Variants in PHLPP1 observed in about 807,000 individuals in gnomAD.
The protein encoded by PHLPP1 is PH domain and leucine rich repeat protein phosphatase 1, also known as PH domain leucine-rich repeat-containing protein phosphatase 1.
A neutral mutation model predicts 117.2 loss-of-function variants in PHLPP1; 42 were observed. The observed-to-expected ratio is 0.36, with a 90% CI of 0.28 to 0.46. The LOEUF (loss-of-function observed/expected upper bound fraction) is 0.46, where lower values mean the gene tolerates loss of function less well. PHLPP1 is among the 20% of genes least tolerant of loss of function. The pLI, the probability that PHLPP1 is intolerant of heterozygous loss-of-function variation, is 1.00. For missense variants in PHLPP1, 2,084 were observed against 2,241.9 expected (o/e 0.93, Z 1.42); for synonymous variants, 1,042 against 970.7 (o/e 1.07, Z -1.37).
chr18:62,731,046 T>C (rs1911211393), intron 1 of PHLPP1, among the ~76,000 whole-genome samples: 1 of 152,208 alleles, frequency 6.6e-6, no homozygotes, highest in African/African-American at 2.4e-5. Context: ...TTGTGCTTGC[T>C]TTTGTTGTGC....
intron 1 of PHLPP1, among the ~76,000 whole-genome samples, chr18:62,829,478 G>C (rs1478922549): frequency 1.3e-5 from 2 of 152,162 alleles, no homozygotes; most frequent in Non-Finnish European, 2.9e-5. Flanking sequence ...CAACCCAGGC[G>C]TGGTGGCTCA....
intron 1 of PHLPP1, among the ~76,000 whole-genome samples, chr18:62,823,918 G>GGT (rs757911365): frequency 3.3e-5 from 5 of 152,070 alleles, no homozygotes; most frequent in Non-Finnish European, 5.9e-5. Flanking sequence ...GACCATCTGA[G>GGT]GTGGGCAGTT....
chr18:62,766,785 G>A (rs1912550625), intron 1 of PHLPP1, among the ~76,000 whole-genome samples: 1 of 152,080 alleles, frequency 6.6e-6, no homozygotes, highest in South Asian at 2.1e-4. Context: ...GGAAAAATAA[G>A]GGTGTTAAAT....
At chr18:62,977,733 C>T (rs1422623243) in intron 16 of PHLPP1, among the ~76,000 whole-genome samples, 5 of 152,176 alleles carry the variant, frequency 3.3e-5, no homozygotes, top group African/African-American at 9.7e-5. Context: ...TCATGGAGAG[C>T]AATGGAAGAT....
intron 1 of PHLPP1, among the ~76,000 whole-genome samples, chr18:62,819,688 C>T (rs1914391027): frequency 6.6e-6 from 1 of 152,140 alleles, no homozygotes; most frequent in Non-Finnish European, 1.5e-5. Flanking sequence ...TCTTGTTGCA[C>T]AGGCTGGAGT....
intron 1 of PHLPP1, among the ~76,000 whole-genome samples, chr18:62,792,855 C>T (rs1308937564): frequency 3.2e-5 from 4 of 125,982 alleles, no homozygotes; most frequent in African/African-American, 9.7e-5. Context: ...GGTGAGAGAG[C>T]GAGCCTCTGT....
intron 4 of PHLPP1, among the ~76,000 whole-genome samples, chr18:62,873,920 C>T (rs149301836): frequency 6.6e-6 from 1 of 152,266 alleles, no homozygotes; most frequent in East Asian, 1.9e-4. Context: ...TGCGGTGGCT[C>T]ACGCTTGTAA....
rs369206576 is a variant in PHLPP1, at chr18:62,818,102, C to G, written c.1577-11933C>G. On this transcript the variant is annotated intron_variant, in intron 1 of 16. Transcript: ENST00000262719. ...TCTCTTGACCTCCTGCCTTGGCCTTCCAAAGTGCTGGGATTACAGGTGTGA... is the reference window on the plus strand; with the variant it reads ...TCTCTTGACCTCCTGCCTTGGCCTTGCAAAGTGCTGGGATTACAGGTGTGA... Among the ~76,000 whole-genome samples, 83 of 152,054 alleles carry G rather than the reference C, an allele frequency of 5.5e-4. 3 individuals carry two copies. In the East Asian group the frequency reaches 9.0e-3, roughly 16 times the overall value.
chr18:62,779,230 TGG>T (rs1425406818), intron 1 of PHLPP1, among the ~76,000 whole-genome samples: 4 of 152,166 alleles, frequency 2.6e-5, no homozygotes, highest in African/African-American at 7.2e-5. Flanking sequence ...TCCCGTCTGT[TGG>T]TAATCTTCTT....
At chr18:62,776,819 G>A (rs1337834872) in intron 1 of PHLPP1, among the ~76,000 whole-genome samples, 1 of 152,014 alleles carries the variant, frequency 6.6e-6, no homozygotes, top group Non-Finnish European at 1.5e-5. Context: ...CATGTTGGCC[G>A]GGATGGTCTC....
At position 62,978,646 on chromosome 18, in the gene PHLPP1, A is replaced by C. The variant is rs777106259; in HGVS notation, c.4369A>C (p.Lys1457Gln). 4 of 1,613,838 alleles carry C rather than the reference A, an allele frequency of 2.5e-6. No homozygotes were observed. The Admixed American group carries it at 6.7e-5, about 27-fold the overall frequency. The change falls in exon 17 of 17, where the codon AAG (lysine) becomes CAG (glutamine). Residue 1457 changes from lysine to glutamine, a missense_variant. By Grantham distance (53) the Lys-to-Gln change is moderately conservative. Coordinates refer to ENST00000262719, the MANE Select transcript of PHLPP1 (RefSeq NM_194449.4). This position sits in a 1 kb window ranked among gnomAD's most constrained non-coding sequence, Gnocchi z 7.0. ...TCCTCCCTCAGTGAACATGGTGATC[A>C]AGGATCGGCCCTCAGATGGGCTGGG... is the stretch of plus-strand genomic sequence containing the variant. The part of the protein sequence containing the change: ...IFPPSVNMVI[K>Q]DRPSDGLGVP...
intron 1 of PHLPP1, among the ~76,000 whole-genome samples, chr18:62,824,950 A>G (rs1036586193): frequency 1.4e-5 from 2 of 147,062 alleles, no homozygotes; most frequent in African/African-American, 5.0e-5. Context: ...TTTTTGAGAC[A>G]GACTCTTGCT....
chr18:62,914,469 C>T (rs1446392886), intron 8 of PHLPP1, among the ~76,000 whole-genome samples: 1 of 152,170 alleles, frequency 6.6e-6, no homozygotes. Context: ...GGGTCTCATG[C>T]TGTCACCCAG....
intron 1 of PHLPP1, among the ~76,000 whole-genome samples, chr18:62,782,619 A>T (rs1407216282): frequency 6.6e-6 from 1 of 152,254 alleles, no homozygotes; most frequent in East Asian, 1.9e-4. Flanking sequence ...TATATGTGAC[A>T]GAATTCACAA....
chr18:62,938,994 C>CTTTCTTTTTTTTT (rs368316862), intron 10 of PHLPP1, among the ~76,000 whole-genome samples: 13 of 128,692 alleles, frequency 1.0e-4, no homozygotes, highest in South Asian at 2.5e-4. Flanking sequence ...TTCTTTCTTT[C>CTTTCTTTTTTTTT]TTTTTTTTTT....
chr18:62,718,184 C>T (rs569023838), intron 1 of PHLPP1, among the ~76,000 whole-genome samples: 143 of 152,166 alleles, frequency 9.4e-4, no homozygotes, highest in Non-Finnish European at 1.7e-3. Context: ...GTTTTACATC[C>T]CTTTCCTCCT....
chr18:62,949,112 T>TAACA (rs1287549878), intron 12 of PHLPP1, among the ~76,000 whole-genome samples: 2 of 152,206 alleles, frequency 1.3e-5, no homozygotes, highest in African/African-American at 4.8e-5. Context: ...GAAAATAAAG[T>TAACA]GCAGTAGGTG....
intron 10 of PHLPP1, among the ~76,000 whole-genome samples, chr18:62,926,685 C>T (rs483712): frequency 0.47 from 71,715 of 151,808 alleles, 17,057 homozygotes; most frequent in Middle Eastern, 0.57. Context: ...AAGAATATCT[C>T]CGAGTTGAAG....
chr18:62,792,954 C>A (rs1913507244), intron 1 of PHLPP1, among the ~76,000 whole-genome samples: 1 of 150,560 alleles, frequency 6.6e-6, no homozygotes, highest in Admixed American at 6.6e-5. Context: ...GTGGGTGGAT[C>A]ACCTGAGGTT....
Sources: gnomAD v4.1 joint callset for allele counts (sites outside exome capture counted in the v4.1 genomes callset) on GRCh38, gnomAD v4.1.1 for gene constraint, Gnocchi (gnomAD v3.1) non-coding constraint, MANE v1.5 for transcripts, NCBI Gene and HGNC (gene_info 2026-07-23, HGNC 2026-07-21) for gene names.